Variants in KSR2 observed in about 807,000 individuals in gnomAD.
The protein encoded by KSR2 is kinase suppressor of ras 2.
A neutral mutation model predicts 107.8 loss-of-function variants in KSR2; 25 were observed. The ratio of observed to expected loss-of-function variants is 0.23; its 90% confidence interval spans 0.17 to 0.32. The LOEUF (loss-of-function observed/expected upper bound fraction) is 0.32, where lower values mean the gene tolerates loss of function less well. Among genes scored for constraint, KSR2 ranks in the 10% least tolerant of loss-of-function variants. The probability of loss-of-function intolerance (pLI) is 1.00; values close to 1 mark genes in which losing one functional copy is unlikely to be tolerated. For synonymous variants in KSR2, 480 were observed against 507.0 expected (o/e 0.95, Z 0.71); for missense variants, 887 against 1,268.9 (o/e 0.70, Z 4.57).
chr12:117,844,622 C>T, intron 3 of KSR2, among the ~76,000 whole-genome samples: 1 of 152,234 alleles, frequency 6.6e-6, no homozygotes, highest in South Asian at 2.1e-4. Flanking sequence ...TTCATACTAA[C>T]TTCTCCCAAA....
intron 5 of KSR2, among the ~76,000 whole-genome samples, chr12:117,652,736 G>T (rs922071783): frequency 1.2e-4 from 19 of 152,334 alleles, no homozygotes; most frequent in African/African-American, 4.6e-4. Context: ...CTGACTCTGA[G>T]CTGACACATT....
At chr12:117,570,663 T>C (rs1026396597) in intron 7 of KSR2, among the ~76,000 whole-genome samples, 3 of 152,216 alleles carry the variant, frequency 2.0e-5, no homozygotes, top group Non-Finnish European at 4.4e-5. Flanking sequence ...TGCAACGAAA[T>C]AAATGCTGAA....
intron 3 of KSR2, among the ~76,000 whole-genome samples, chr12:117,844,655 T>C (rs1189757784): frequency 1.3e-5 from 2 of 152,060 alleles, no homozygotes; most frequent in Non-Finnish European, 2.9e-5. Context: ...ACCTATGAAG[T>C]AACATAAAGA....
chr12:117,484,423 C>G lies in KSR2; in HGVS notation c.2443G>C (p.Ala815Pro). The change falls in exon 16 of 20, where the codon GCT (alanine) becomes CCT (proline). Residue 815 changes from alanine (A) to proline (P), a missense_variant. Transcript: ENST00000339824. ...CTTCCCACTGCCTCTCACCTGCCAG[C>G]CTGCAGCACCCCAGAAATGCTGAAG... ...GLFSISGVLQ[A>P]GRREDKLRIQ... is the part of the protein sequence containing the mutation. 6.2e-7 allele frequency: 1 copy of G among 1,613,910 alleles called. No individual in the cohort carries two copies. The highest frequency in any genetic ancestry group is 8.5e-7 in the Non-Finnish European group (1 of 1,179,832).
At chr12:117,957,831 C>CTT (rs566320050) in intron 1 of KSR2, among the ~76,000 whole-genome samples, 21 of 137,054 alleles carry the variant, frequency 1.5e-4, no homozygotes, top group Admixed American at 9.9e-4. Context: ...GGCTGACCAC[C>CTT]TTTTTTTTTT....
chr12:117,948,272 G>A (rs1896258894), intron 1 of KSR2, among the ~76,000 whole-genome samples: 2 of 152,084 alleles, frequency 1.3e-5, no homozygotes, highest in South Asian at 4.1e-4. Flanking sequence ...TGGATCACCT[G>A]AGGTCAGGAG....
intron 5 of KSR2, among the ~76,000 whole-genome samples, chr12:117,623,067 T>C (rs1478228035): frequency 1.3e-5 from 2 of 152,214 alleles, no homozygotes; most frequent in South Asian, 2.1e-4. Flanking sequence ...CAGAGGAAGC[T>C]ACCCCACCTC....
At chr12:117,731,345 C>G (rs485931) in intron 4 of KSR2, among the ~76,000 whole-genome samples, 4 of 145,334 alleles carry the variant, frequency 2.8e-5, no homozygotes, top group African/African-American at 7.8e-5. Flanking sequence ...GGAGCCCCCC[C>G]GCCCAGCAGC....
intron 4 of KSR2, among the ~76,000 whole-genome samples, chr12:117,742,735 C>A (rs975482949): frequency 6.6e-6 from 1 of 152,186 alleles, no homozygotes; most frequent in African/African-American, 2.4e-5. Flanking sequence ...CCAGACTTTT[C>A]CCGGCTAAGT....
intron 14 of KSR2, among the ~76,000 whole-genome samples, chr12:117,495,794 C>G (rs906468477): frequency 2.6e-5 from 4 of 152,194 alleles, no homozygotes; most frequent in Non-Finnish European, 5.9e-5. Context: ...GTGGCTCACA[C>G]CTGTAATCCC....
chr12:117,802,457 T>A (rs889317262), intron 3 of KSR2, among the ~76,000 whole-genome samples: 1 of 152,180 alleles, frequency 6.6e-6, no homozygotes, highest in African/African-American at 2.4e-5. Flanking sequence ...TTCAGAGATG[T>A]CCCTGGGGAT....
intron 4 of KSR2, among the ~76,000 whole-genome samples, chr12:117,694,847 T>TTC (rs1565965203): frequency 0.046 from 3,346 of 72,020 alleles, 133 homozygotes; most frequent in African/African-American, 0.2. Flanking sequence ...GTATGATTCT[T>TTC]TTTTTTTTTT....
At chr12:117,519,372 A>G (rs539570319) in intron 14 of KSR2, among the ~76,000 whole-genome samples, 3 of 152,328 alleles carry the variant, frequency 2.0e-5, no homozygotes, top group Non-Finnish European at 4.4e-5. Flanking sequence ...ATGAACAAGA[A>G]TTCCATATAG....
rs187070193 is a variant in KSR2, at chr12:117,465,164, C to A, written c.*2035G>T. 1.8e-4 allele frequency: 28 copies of A among 152,374 alleles called. 1 individual carries two copies. The East Asian group carries it at 5.0e-3, about 27-fold the overall frequency. The allele number at this position is 152,374 out of a possible 1,614,324, so 9.4% of individuals were successfully genotyped here. A position where few individuals can be genotyped will look rare whatever the true frequency, so the allele number is the denominator to read the frequency against. ...GCACTCAGTAGGCTGCTGGGCAGAGCCAAGACAGGTGCAAGTCCAGGCCCA... is the reference window on the plus strand; with the variant it reads ...GCACTCAGTAGGCTGCTGGGCAGAGACAAGACAGGTGCAAGTCCAGGCCCA... On this transcript the variant is annotated 3_prime_UTR_variant, in exon 20 of 20. Transcript: ENST00000339824.
chr12:117,744,353 G>A (rs371807537), intron 4 of KSR2, among the ~76,000 whole-genome samples: 161 of 152,250 alleles, frequency 1.1e-3, no homozygotes, highest in Non-Finnish European at 1.8e-3. Context: ...AACATAAAGT[G>A]ATAATCTTCC....
chr12:117,601,512 G>A (rs954956045), intron 5 of KSR2, among the ~76,000 whole-genome samples: 26 of 152,206 alleles, frequency 1.7e-4, no homozygotes, highest in African/African-American at 5.1e-4. Flanking sequence ...AAGAGGATGC[G>A]GGAACACAGA....
chr12:117,567,477 G>A (rs892594652), intron 7 of KSR2, among the ~76,000 whole-genome samples: 1 of 151,980 alleles, frequency 6.6e-6, no homozygotes, highest in African/African-American at 2.4e-5. Context: ...GAGAGCAAGG[G>A]GGAGCTAATG....
At chr12:117,820,193 G>T (rs952705798) in intron 3 of KSR2, among the ~76,000 whole-genome samples, 4 of 152,168 alleles carry the variant, frequency 2.6e-5, no homozygotes, top group Non-Finnish European at 4.4e-5. Flanking sequence ...CTCTATGAGA[G>T]GGAGAAATCA....
chr12:117,957,984 C>A (rs7303359), intron 1 of KSR2, among the ~76,000 whole-genome samples: 79,088 of 151,906 alleles, frequency 0.52, 20,940 homozygotes, highest in Non-Finnish European at 0.54. Context: ...GGCATGTGCC[C>A]CCACACCAGC....
Sources: allele counts gnomAD v4.1 joint callset (sites outside exome capture counted in the v4.1 genomes callset), GRCh38; gene constraint gnomAD v4.1.1; transcripts MANE v1.5; gene names NCBI Gene and HGNC (gene_info 2026-07-23, HGNC 2026-07-21).